Variants in MSRA observed in about 807,000 individuals in gnomAD.
MSRA encodes the protein methionine sulfoxide reductase A, also known as mitochondrial peptide methionine sulfoxide reductase.
In MSRA, 54 loss-of-function variants were observed where a neutral mutation model predicts 31.3. The ratio of observed to expected loss-of-function variants is 1.73; its 90% CI spans 1.39 to 2.17. MSRA has a LOEUF of 2.17. MSRA is among the 30% of genes most tolerant of loss of function. The pLI is 0.00. For missense variants in MSRA, 507 were observed against 300.9 expected, an observed-to-expected ratio of 1.69 and a Z score of -5.07; for synonymous variants, 169 against 116.5, an observed-to-expected ratio of 1.45 and a Z score of -2.90.
intron 1 of MSRA, chr8:10,096,414 A>C (rs1292321888): frequency 1.6e-5 from 7 of 432,716 alleles, no homozygotes; most frequent in African/African-American, 2.1e-5. Flanking sequence ...GTATGCGATT[A>C]GTGAATTCTC....
intron 1 of MSRA, among the ~76,000 whole-genome samples, chr8:10,206,845 T>C (rs1218319404): frequency 6.6e-6 from 1 of 152,194 alleles, no homozygotes. Context: ...TTGCAGTTGT[T>C]ATTTCTTGAA....
intron 5 of MSRA, among the ~76,000 whole-genome samples, chr8:10,330,875 C>T (rs1415897313): frequency 2.6e-5 from 4 of 152,182 alleles, no homozygotes; most frequent in Non-Finnish European, 5.9e-5. Flanking sequence ...TGTGTCCCCC[C>T]AAATTCATAT....
chr8:10,382,402 C>G (rs1019997809), intron 5 of MSRA, among the ~76,000 whole-genome samples: 1 of 152,156 alleles, frequency 6.6e-6, no homozygotes, highest in African/African-American at 2.4e-5. Context: ...ACACCTGTAC[C>G]CAGAGTCGCC....
At chr8:10,084,316 C>T (rs1287319656) in intron 1 of MSRA, among the ~76,000 whole-genome samples, 1 of 152,272 alleles carries the variant, frequency 6.6e-6, no homozygotes, top group East Asian at 1.9e-4. Context: ...GGCCCAGCTC[C>T]TGCTTTGCGG....
intron 1 of MSRA, among the ~76,000 whole-genome samples, chr8:10,098,309 G>T (rs575995129): frequency 2.0e-5 from 3 of 152,194 alleles, no homozygotes; most frequent in African/African-American, 7.2e-5. Context: ...GCAGAAATGC[G>T]TTAATATTTA....
At chr8:10,215,394 AATGATGCAT>A (rs1809899777) in intron 2 of MSRA, among the ~76,000 whole-genome samples, 1 of 152,196 alleles carries the variant, frequency 6.6e-6, no homozygotes, top group Admixed American at 6.5e-5. Flanking sequence ...AGTGTCAGGA[AATGATGCAT>A]TGGCCCCTTG....
At chr8:10,098,000 G>T (rs1458459158) in intron 1 of MSRA, among the ~76,000 whole-genome samples, 1 of 151,910 alleles carries the variant, frequency 6.6e-6, no homozygotes, top group Non-Finnish European at 1.5e-5. Context: ...CTTGTAAAAC[G>T]GGTATAATAG....
rs559996130 is a variant in MSRA at position 10,129,445 on chromosome 8, A to G, written c.142+74787A>G. Among the ~76,000 whole-genome samples the G allele has an allele frequency of 3.9e-5, 6 of 152,212 alleles. No individual in the cohort carries two copies. The South Asian group carries it at 8.3e-4, about 21-fold the overall frequency. On this transcript the variant is annotated intron_variant, in intron 1 of 5. Transcript: ENST00000317173. ...AAATATAAAGTGATGAGGTGAAATA[A>G]TTTCTTGGAATAATGAGTTTCCTTG...
chr8:10,079,165 TTTC>T (rs1005022784), intron 1 of MSRA, among the ~76,000 whole-genome samples: 1 of 151,994 alleles, frequency 6.6e-6, no homozygotes, highest in African/African-American at 2.4e-5. Context: ...GTGGTACTTT[TTTC>T]TTTTTTTTTA....
chr8:10,317,518 A>G (rs1295715583), intron 4 of MSRA, among the ~76,000 whole-genome samples: 2 of 152,184 alleles, frequency 1.3e-5, no homozygotes, highest in Non-Finnish European at 2.9e-5. Context: ...TCTTTGGAGA[A>G]AGTGGATGGA....
intron 2 of MSRA, among the ~76,000 whole-genome samples, chr8:10,234,979 A>G (rs1811827634): frequency 6.6e-6 from 1 of 152,126 alleles, no homozygotes; most frequent in South Asian, 2.1e-4. Flanking sequence ...ACAGGAGGAA[A>G]TTTTAATTGA....
At chr8:10,059,239 A>T (rs2128911238) in intron 1 of MSRA, 1 of 152,360 alleles carries the variant, frequency 6.6e-6, no homozygotes, top group East Asian at 1.9e-4. Context: ...AATAAATTCC[A>T]GATATATGAT....
rs1214213948 is a variant in MSRA at position 10,054,361 on chromosome 8, C to T, written c.-156C>T. 1.6e-5 allele frequency: 10 copies of T among 639,860 alleles called. No individual in the cohort carries two copies. Among genetic ancestry groups the T allele is most frequent in the Non-Finnish European group, 2.2e-5 (10 of 450,500 alleles). 39.6% of individuals were successfully genotyped at this position (639,860 alleles called of 1,614,324 possible). ...GGGTTTGGGCAACCTCGATTACGGG[C>T]GGCCTCCAGCCCCGCCAGCAGCGCC... is the stretch of plus-strand genomic sequence containing the variant. On this transcript the variant is annotated 5_prime_UTR_variant, in exon 1 of 6. Transcript: ENST00000317173.
chr8:10,257,819 G>C (rs79011251), intron 3 of MSRA, among the ~76,000 whole-genome samples: 5,298 of 152,206 alleles, frequency 0.035, 289 homozygotes, highest in African/African-American at 0.12. Flanking sequence ...TCTTACCTAG[G>C]ATGTAATTCT....
At chr8:10,355,758 G>T (rs1248834889) in intron 5 of MSRA, among the ~76,000 whole-genome samples, 1 of 152,168 alleles carries the variant, frequency 6.6e-6, no homozygotes, top group African/African-American at 2.4e-5. Flanking sequence ...TGCAGATGCA[G>T]GTGGTGGCCA....
At chr8:10,182,611 T>G (rs1806642825) in intron 1 of MSRA, among the ~76,000 whole-genome samples, 1 of 152,212 alleles carries the variant, frequency 6.6e-6, no homozygotes, top group Admixed American at 6.5e-5. Context: ...TATTTATGGG[T>G]TACATGAGAT....
At chr8:10,151,836 G>A (rs979242080) in intron 1 of MSRA, among the ~76,000 whole-genome samples, 1 of 152,132 alleles carries the variant, frequency 6.6e-6, no homozygotes, top group African/African-American at 2.4e-5. Context: ...TTGATGAGAA[G>A]GCCATGTCTC....
At chr8:10,109,432 C>A (rs1800121444) in intron 1 of MSRA, among the ~76,000 whole-genome samples, 2 of 151,904 alleles carry the variant, frequency 1.3e-5, no homozygotes, top group African/African-American at 4.8e-5. Flanking sequence ...ACCTCCATCT[C>A]CCGGGCTCAA....
intron 1 of MSRA, among the ~76,000 whole-genome samples, chr8:10,056,524 C>CTT (rs58900236): frequency 1.5e-3 from 204 of 138,230 alleles, no homozygotes; most frequent in East Asian, 2.5e-3. Flanking sequence ...GGCCAGTAAA[C>CTT]TTTTTTTTTT....
Sources: gnomAD v4.1 joint callset for allele counts (sites outside exome capture counted in the v4.1 genomes callset) on GRCh38, gnomAD v4.1.1 for gene constraint, MANE v1.5 for transcripts, NCBI Gene and HGNC (gene_info 2026-07-23, HGNC 2026-07-21) for gene names.